The following IMMP1L variants were observed in gnomAD, a reference collection of about 807,000 sequenced individuals.
IMMP1L encodes mitochondrial inner membrane protease subunit 1.
In IMMP1L, 24 loss-of-function variants were observed where a neutral mutation model predicts 21.8. The ratio of observed to expected loss-of-function variants is 1.10; its 90% CI spans 0.80 to 1.55. The LOEUF is 1.55. IMMP1L is among the 40% of genes most tolerant of loss of function. IMMP1L has a pLI of 0.00. For synonymous variants in IMMP1L, 46 were observed against 62.8 expected (o/e 0.73, Z 1.26); for missense variants, 195 against 200.7 (o/e 0.97, Z 0.17).
chr11:31,454,844 C>T (rs916645482), intron 4 of IMMP1L, among the ~76,000 whole-genome samples: 1 of 152,150 alleles, frequency 6.6e-6, no homozygotes, highest in Non-Finnish European at 1.5e-5. Flanking sequence ...TTTATTTGTT[C>T]TGTCTGTTGA....
intron 1 of IMMP1L, among the ~76,000 whole-genome samples, chr11:31,481,904 A>G (rs1954903660): frequency 6.6e-6 from 1 of 152,104 alleles, no homozygotes; most frequent in African/African-American, 2.4e-5. Flanking sequence ...GTCTGTGAAT[A>G]CAAAATTGTG....
chr11:31,444,612 CAG>C (rs1271590035), intron 4 of IMMP1L, among the ~76,000 whole-genome samples: 5 of 139,818 alleles, frequency 3.6e-5, no homozygotes, highest in African/African-American at 1.3e-4. Context: ...TTTTCTGAGA[CAG>C]AGTCTTGCTC....
At chr11:31,437,789 GCTTT>G (rs1953176746) in intron 4 of IMMP1L, among the ~76,000 whole-genome samples, 1 of 152,094 alleles carries the variant, frequency 6.6e-6, no homozygotes, top group Admixed American at 6.6e-5. Context: ...CGAGTGAACT[GCTTT>G]CTGTTACTAG....
intron 4 of IMMP1L, among the ~76,000 whole-genome samples, chr11:31,451,471 T>A (rs189785579): frequency 6.6e-6 from 1 of 152,294 alleles, no homozygotes; most frequent in East Asian, 1.9e-4. Context: ...GAAGGTATAA[T>A]CATGATTTGC....
intron 4 of IMMP1L, 93 bp from the exon 5 acceptor site, chr11:31,433,663 G>A (rs1189542058): frequency 2.1e-5 from 14 of 661,614 alleles, no homozygotes; most frequent in Non-Finnish European, 3.3e-5. Flanking sequence ...AGGGAGAAAT[G>A]TCCTAAGGCT....
chr11:31,447,416 C>A (rs1247348544), intron 4 of IMMP1L, among the ~76,000 whole-genome samples: 1 of 152,202 alleles, frequency 6.6e-6, no homozygotes, highest in Non-Finnish European at 1.5e-5. Context: ...ACTGGGAAGT[C>A]AGGTCAAATT....
In IMMP1L at chr11:31,483,789, ATT is replaced by A. The variant is rs980936917; in HGVS notation, c.-29-20486_-29-20485del. Reference sequence around the variant, plus strand: ...TTAATAGCATTCCTTGAAAACTATCATTTTTTCAATGAAATTAAAATATAATT... The same window carrying A: ...TTAATAGCATTCCTTGAAAACTATCATTTTCAATGAAATTAAAATATAATT... On this transcript the variant is annotated intron_variant, in intron 1 of 5. Transcript: ENST00000532287. 3.9e-5 allele frequency among the ~76,000 whole-genome samples: 6 copies of A among 151,930 alleles called. No homozygotes were observed. In the East Asian group the frequency reaches 9.6e-4, roughly 24 times the overall value.
chr11:31,483,092 AC>A (rs1229993040), intron 1 of IMMP1L, among the ~76,000 whole-genome samples: 3 of 152,050 alleles, frequency 2.0e-5, no homozygotes, highest in Non-Finnish European at 4.4e-5. Flanking sequence ...TATATATAAT[AC>A]AAAAACAAGA....
intron 1 of IMMP1L, among the ~76,000 whole-genome samples, chr11:31,489,176 C>G (rs1020678189): frequency 4.6e-5 from 7 of 152,094 alleles, no homozygotes. Flanking sequence ...GGATTACAGG[C>G]ATGAGTCACC....
At chr11:31,475,381 T>C (rs1234795077) in intron 1 of IMMP1L, among the ~76,000 whole-genome samples, 1 of 152,112 alleles carries the variant, frequency 6.6e-6, no homozygotes, top group Non-Finnish European at 1.5e-5. Flanking sequence ...CAAAAAGAAA[T>C]ATCATTTAGC....
chr11:31,487,839 A>C (rs534591190), intron 1 of IMMP1L, among the ~76,000 whole-genome samples: 1 of 152,248 alleles, frequency 6.6e-6, no homozygotes, highest in South Asian at 2.1e-4. Flanking sequence ...CAGACAATGA[A>C]ATTTTGAAAC....
intron 1 of IMMP1L, among the ~76,000 whole-genome samples, chr11:31,476,760 T>G (rs1954744500): frequency 6.6e-6 from 1 of 152,090 alleles, no homozygotes; most frequent in Non-Finnish European, 1.5e-5. Flanking sequence ...TTGCATACTG[T>G]TTGGGTGACT....
At chr11:31,437,695 T>C (rs1953172637) in intron 4 of IMMP1L, among the ~76,000 whole-genome samples, 1 of 152,178 alleles carries the variant, frequency 6.6e-6, no homozygotes, top group Non-Finnish European at 1.5e-5. Flanking sequence ...ACAACCACAA[T>C]GATACAGGAT....
At chr11:31,439,940 G>T (rs1953262649) in intron 4 of IMMP1L, among the ~76,000 whole-genome samples, 2 of 152,290 alleles carry the variant, frequency 1.3e-5, no homozygotes, top group South Asian at 2.1e-4. Context: ...CTCCCCAGCA[G>T]TCATTCATTC....
chr11:31,499,391 CA>C (rs200197922), intron 1 of IMMP1L, among the ~76,000 whole-genome samples: 15 of 151,418 alleles, frequency 9.9e-5, no homozygotes, highest in Non-Finnish European at 2.1e-4. Flanking sequence ...CAAAACAAAA[CA>C]AAAAACACTA....
At chr11:31,465,503 C>T (rs1454162070) in intron 1 of IMMP1L, among the ~76,000 whole-genome samples, 1 of 151,818 alleles carries the variant, frequency 6.6e-6, no homozygotes, top group Non-Finnish European at 1.5e-5. Context: ...CAATATTGAG[C>T]AAAATGAATA....
intron 1 of IMMP1L, among the ~76,000 whole-genome samples, chr11:31,471,048 TTGCACTGCAGGGTGACTGTAG>T (rs1194409996): frequency 1.3e-5 from 2 of 152,210 alleles, no homozygotes; most frequent in East Asian, 3.8e-4. Context: ...TACTGTTCTA[TTGCACTGCAGGGTGACTGTAG>T]TTAACAATAA....
intron 1 of IMMP1L, among the ~76,000 whole-genome samples, chr11:31,468,768 A>G (rs2133695781): frequency 6.6e-6 from 1 of 152,308 alleles, no homozygotes; most frequent in South Asian, 2.1e-4. Flanking sequence ...AAAATATAGT[A>G]AAGTGATAGA....
chr11:31,449,363 A>G (rs750259459), intron 4 of IMMP1L, among the ~76,000 whole-genome samples: 1 of 152,206 alleles, frequency 6.6e-6, no homozygotes, highest in Non-Finnish European at 1.5e-5. Flanking sequence ...AGGGTTTCAA[A>G]CTATAACCTA....
Sources: allele counts gnomAD v4.1 joint callset (sites outside exome capture counted in the v4.1 genomes callset), GRCh38; gene constraint gnomAD v4.1.1; transcripts MANE v1.5; gene names NCBI Gene and HGNC (gene_info 2026-07-23, HGNC 2026-07-21).